NAGA: variants seen among roughly 807,000 people sequenced by gnomAD.
The protein encoded by NAGA is alpha-N-acetylgalactosaminidase, also known as Acetylgalactosaminidase, alpha-N- (alpha-galactosidase B).
NAGA carries 42 observed loss-of-function variants against 45.6 expected under a neutral mutation model. The observed-to-expected ratio is 0.92, with a 90% CI of 0.72 to 1.19. The LOEUF (loss-of-function observed/expected upper bound fraction) is 1.19. NAGA is among the 50% of genes most tolerant of loss of function. The pLI is 0.00. For missense variants in NAGA, 493 were observed against 544.8 expected (o/e 0.90, Z 0.95); for synonymous variants, 176 against 203.1 (o/e 0.87, Z 1.13).
Position 42,070,738 on chromosome 22 carries a change from C to T in NAGA, c.-441G>A, listed in dbSNP as rs1275510515. 1.0e-5 allele frequency: 3 copies of T among 297,400 alleles called. No homozygotes were observed. Among genetic ancestry groups the T allele is most frequent in the East Asian group, 1.7e-4 (2 of 12,008 alleles). 18.4% of individuals were successfully genotyped at this position (297,400 alleles called of 1,614,324 possible). On this transcript the variant is annotated 5_prime_UTR_variant, in exon 1 of 9. Transcript: ENST00000396398. ...CCCTGGGCTCCCCAAAACCGCAGAG[C>T]CCCCTCCCACCGCACTTATCCTACC... is the stretch of plus-strand genomic sequence containing the variant.
intron 6 of NAGA, among the ~76,000 whole-genome samples, chr22:42,064,111 A>AG (rs1327068211): frequency 6.9e-6 from 1 of 144,762 alleles, no homozygotes; most frequent in East Asian, 2.1e-4. Flanking sequence ...GAGGCTGAGG[A>AG]GGGCAGATCA....
chr22:42,061,348 A>T (rs1188960365), intron 7 of NAGA, among the ~76,000 whole-genome samples: 1 of 152,232 alleles, frequency 6.6e-6, no homozygotes, highest in Non-Finnish European at 1.5e-5. Flanking sequence ...AGCTCATAGG[A>T]CAACGGGAGG....
intron 6 of NAGA, among the ~76,000 whole-genome samples, chr22:42,065,467 C>A (rs1212873088): frequency 6.6e-6 from 1 of 152,108 alleles, no homozygotes; most frequent in African/African-American, 2.4e-5. Context: ...CACTACAGAC[C>A]CAAGTTCTTG....
chr22:42,067,980 G>T, intron 2 of NAGA, 44 bp from the exon 3 acceptor site: 1 of 1,578,406 alleles, frequency 6.3e-7, no homozygotes, highest in East Asian at 2.2e-5. Context: ...GACCCAGCCC[G>T]GCCCTCACCC....
Position 42,060,411 on chromosome 22 carries a change from G to A in NAGA, c.1104C>T (p.Ala368=). Residue 368 remains alanine (A), a splice_region_variant and synonymous_variant, in exon 9 of 9, where the codon GCC becomes GCT. Coordinates refer to ENST00000396398, the MANE Select transcript of NAGA (RefSeq NM_000262.3). ...TGATGTCACCTGAGTAGACGTCCTG[G>A]GCCTGCAGTGGGGAGGGACATCACC... ...LNFTGSVIYE[A]QDVYSGDIIS... 6.2e-7 allele frequency: 1 copy of A among 1,612,886 alleles called. No homozygotes were observed. The highest frequency in any genetic ancestry group is 1.9e-4 in the Middle Eastern group (1 of 5,220).
chr22:42,064,952 A>G (rs965902629), intron 6 of NAGA, among the ~76,000 whole-genome samples: 3 of 152,336 alleles, frequency 2.0e-5, no homozygotes, highest in South Asian at 2.1e-4. Flanking sequence ...AGTGACAACA[A>G]TTTAAGCACT....
At chr22:42,060,523 G>T in intron 8 of NAGA, 110 bp from the exon 9 acceptor site, 5 of 1,483,510 alleles carry the variant, frequency 3.4e-6, no homozygotes, top group Non-Finnish European at 4.6e-6. Flanking sequence ...TGTCTGTGCT[G>T]GGCTTCCAGT....
At chr22:42,063,050 A>G in intron 6 of NAGA, 26 bp from the exon 7 acceptor site, 1 of 1,607,862 alleles carries the variant, frequency 6.2e-7, no homozygotes, top group South Asian at 1.1e-5. Context: ...AGGAGTAGTC[A>G]GCTCTCATCT....
intron 4 of NAGA, among the ~76,000 whole-genome samples, 153 bp from the exon 5 acceptor site, chr22:42,066,957 G>T (rs1926769777): frequency 6.6e-6 from 1 of 152,160 alleles, no homozygotes; most frequent in Non-Finnish European, 1.5e-5. Context: ...TCCAGGGTGG[G>T]CTATGCTGCC....
rs763052445 is a variant in NAGA at position 42,068,473 on chromosome 22, T to C, written c.118A>G (p.Ile40Val). ...TTCTTTGGGTCCTCATCACAGTTAA[T>C]GTTGCAGCGGAAGCGTTCCCAGGCC... ...WLAWERFRCN[I>V]NCDEDPKNCI... is the part of the protein sequence containing the mutation. Residue 40 changes from isoleucine to valine, a missense_variant, in exon 2 of 9, where the codon ATT (isoleucine) becomes GTT (valine). Ile to Val is a conservative substitution (Grantham distance 29). Coordinates refer to ENST00000396398, the MANE Select transcript of NAGA (RefSeq NM_000262.3). The C allele has an allele frequency of 2.5e-6, 4 of 1,614,158 alleles. No homozygotes were observed. Among genetic ancestry groups the C allele is most frequent in the Non-Finnish European group, 2.5e-6 (3 of 1,180,028 alleles).
intron 5 of NAGA, among the ~76,000 whole-genome samples, chr22:42,066,323 T>G (rs1375472652): frequency 6.6e-6 from 1 of 151,984 alleles, no homozygotes; most frequent in Non-Finnish European, 1.5e-5. Context: ...GCCCACAGGC[T>G]CCTCTGAGGC....
rs887834967 is a variant in NAGA, at chr22:42,061,156, C to T, written c.958-89G>A. 5.3e-6 allele frequency: 8 copies of T among 1,502,912 alleles called. No individual in the cohort carries two copies. In the African/African-American group the frequency reaches 9.7e-5, roughly 18 times the overall value. The allele number at this position is 1,502,912 out of a possible 1,614,324, so 93.1% of individuals were successfully genotyped here. On this transcript the variant is annotated intron_variant, in intron 7 of 8. Transcript: ENST00000396398. ...CTGGCCCTCCCTGAGTTCTGGGTCC[C>T]CCAGTTCACAGCTCCATGTCACACA... is the stretch of plus-strand genomic sequence containing the variant.
At position 42,061,083 on chromosome 22, in the gene NAGA, G is replaced by A; in HGVS notation, c.958-16C>T. ...GAGATTTTTCCTGGGCACAGAAGGT[G>A]GCTACTGGCTGGGGTCCCTTGCTCA... On this transcript the variant is annotated splice_polypyrimidine_tract_variant and intron_variant, in intron 7 of 8. Coordinates refer to ENST00000396398, the MANE Select transcript of NAGA (RefSeq NM_000262.3). 1.2e-6 allele frequency: 2 copies of A among 1,613,574 alleles called. No individual in the cohort carries two copies. The highest frequency in any genetic ancestry group is 1.7e-6 in the Non-Finnish European group (2 of 1,179,826).
At chr22:42,064,559 C>T (rs1160943997) in intron 6 of NAGA, among the ~76,000 whole-genome samples, 5 of 151,064 alleles carry the variant, frequency 3.3e-5, no homozygotes, top group African/African-American at 4.9e-5. Flanking sequence ...GCAGGAGAAT[C>T]GCTTGAACCT....
rs371419515 is a variant in NAGA at position 42,068,553 on chromosome 22, G to C, written c.38C>G (p.Ala13Gly). ...CCCATTGTCCAGCATCAGCACCTGG[G>C]CCACATGTCCCAGCAAGAGCACTAG... is the stretch of plus-strand genomic sequence containing the variant. ...LKTVLLLGHV[A>G]QVLMLDNGLL... is the part of the protein sequence containing the mutation. Residue 13 changes from alanine to glycine, a missense_variant, in exon 2 of 9, where the codon GCC (alanine) becomes GGC (glycine). Transcript: ENST00000396398. 1.2e-6 allele frequency: 2 copies of C among 1,614,050 alleles called. No individual in the cohort carries two copies. The highest frequency in any genetic ancestry group is 2.7e-5 in the African/African-American group (2 of 74,930).
At position 42,060,524 on chromosome 22, in the gene NAGA, G is replaced by A. The variant is rs1026758472; in HGVS notation, c.1102-111C>T. Reference sequence around the variant, plus strand: ...CCTGGACTTTGGCCTGTCTGTGCTGGGCTTCCAGTATGCCCTACAGAAGTG... The same window carrying A: ...CCTGGACTTTGGCCTGTCTGTGCTGAGCTTCCAGTATGCCCTACAGAAGTG... On this transcript the variant is annotated intron_variant, in intron 8 of 8. Transcript: ENST00000396398. The A allele has an allele frequency of 1.2e-5, 17 of 1,473,844 alleles. No individual in the cohort carries two copies. The African/African-American group carries it at 2.2e-4, about 19-fold the overall frequency. The allele number at this position is 1,473,844 out of a possible 1,614,324, so 91.3% of individuals were successfully genotyped here. A position where few individuals can be genotyped will look rare whatever the true frequency, so the allele number is the denominator to read the frequency against.
chr22:42,060,093 T>A lies in NAGA; in HGVS notation c.*186A>T. ...CACAGGAAAATTGCCCCAAAAGAAG[T>A]TTCCAAGAGGGTTTACGCTTGGACA... On this transcript the variant is annotated 3_prime_UTR_variant, in exon 9 of 9. Coordinates refer to ENST00000396398, the MANE Select transcript of NAGA (RefSeq NM_000262.3). 1.4e-6 allele frequency: 1 copy of A among 726,760 alleles called. No homozygotes were observed. The highest frequency in any genetic ancestry group is 2.3e-6 in the Non-Finnish European group (1 of 443,252). The allele number at this position is 726,760 out of a possible 1,614,324, so 45.0% of individuals were successfully genotyped here.
At chr22:42,065,603 A>G (rs1302743826) in intron 6 of NAGA, 135 bp downstream of exon 6, 1 of 1,194,718 alleles carries the variant, frequency 8.4e-7, no homozygotes, top group Non-Finnish European at 1.2e-6. Flanking sequence ...TAAAGCAACC[A>G]GTTCAGGGAC....
At position 42,067,263 on chromosome 22, in the gene NAGA, T is replaced by C. The variant is rs3747186; in HGVS notation, c.352A>G (p.Ile118Val). Residue 118 changes from isoleucine to valine, a missense_variant, in exon 4 of 9, where the codon ATC becomes GTC. By Grantham distance (29) the Ile-to-Val change is conservative. Transcript: ENST00000396398. Reference protein sequence around the residue: ...YVHSLGLKLGIYADMGNFTCM... With the variant: ...YVHSLGLKLGVYADMGNFTCM... ...GTGAAGTTGCCCATGTCCGCGTAGATACCCAACTTCAGGCCCAGGGAGTGA... is the reference window on the plus strand; with the variant it reads ...GTGAAGTTGCCCATGTCCGCGTAGACACCCAACTTCAGGCCCAGGGAGTGA... The C allele has an allele frequency of 2.4e-5, 38 of 1,614,106 alleles. No individual in the cohort carries two copies. The East Asian group carries it at 8.0e-4, about 34-fold the overall frequency.
Sources: gnomAD v4.1 joint callset for allele counts (sites outside exome capture counted in the v4.1 genomes callset) on GRCh38, gnomAD v4.1.1 for gene constraint, MANE v1.5 for transcripts, NCBI Gene and HGNC (gene_info 2026-07-23, HGNC 2026-07-21) for gene names.